The following SGCZ variants were observed in gnomAD, a reference collection of about 807,000 sequenced individuals.
SGCZ encodes sarcoglycan zeta.
Under a neutral mutation model 41.3 loss-of-function variants are expected in SGCZ, and 40 were observed. The observed-to-expected ratio is 0.97, with a 90% CI of 0.75 to 1.26. The LOEUF (loss-of-function observed/expected upper bound fraction) is 1.26, where lower values mean the gene tolerates loss of function less well. SGCZ is among the 50% of genes most tolerant of loss of function. The pLI, the probability that SGCZ is intolerant of heterozygous loss-of-function variation, is 0.00. For missense variants in SGCZ, 552 were observed against 369.8 expected (o/e 1.49, Z -4.04); for synonymous variants, 206 against 137.5 (o/e 1.50, Z -3.49).
chr8:15,069,892 T>A (rs569956317), intron 1 of SGCZ, among the ~76,000 whole-genome samples: 7 of 152,182 alleles, frequency 4.6e-5, no homozygotes, highest in African/African-American at 1.7e-4. Context: ...AGTGTGTGTA[T>A]GCATATCTGT....
At chr8:14,180,667 C>G (rs576706022) in intron 4 of SGCZ, among the ~76,000 whole-genome samples, 1 of 152,216 alleles carries the variant, frequency 6.6e-6, no homozygotes, top group South Asian at 2.1e-4. Context: ...AATAAGTCAC[C>G]TACTACCACA....
At chr8:14,279,438 T>C (rs191692264) in intron 3 of SGCZ, among the ~76,000 whole-genome samples, 2 of 152,090 alleles carry the variant, frequency 1.3e-5, no homozygotes, top group African/African-American at 4.8e-5. Context: ...TACCTTTTTT[T>C]CCCTAGATTA....
intron 1 of SGCZ, among the ~76,000 whole-genome samples, chr8:14,789,150 C>T (rs1403810574): frequency 6.6e-6 from 1 of 152,066 alleles, no homozygotes; most frequent in Non-Finnish European, 1.5e-5. Context: ...TGTTTACAAA[C>T]ACTGGGCACT....
At chr8:14,656,325 T>C (rs79748166) in intron 1 of SGCZ, among the ~76,000 whole-genome samples, 3,296 of 151,608 alleles carry the variant, frequency 0.022, 145 homozygotes, top group Admixed American at 0.09. Flanking sequence ...TCCTTCCTCC[T>C]CCTCTATCCC....
chr8:14,905,364 T>C (rs774272329), intron 1 of SGCZ, among the ~76,000 whole-genome samples: 2 of 151,810 alleles, frequency 1.3e-5, no homozygotes, highest in Non-Finnish European at 2.9e-5. Context: ...TAAATAAAAA[T>C]TAAGAAAACT....
chr8:14,228,884 T>C (rs1056241778), intron 4 of SGCZ, among the ~76,000 whole-genome samples: 2 of 152,290 alleles, frequency 1.3e-5, no homozygotes, highest in Admixed American at 6.5e-5. Flanking sequence ...TAGGCATGAA[T>C]GATTTTACCA....
At chr8:14,339,548 G>C (rs771488019) in intron 2 of SGCZ, among the ~76,000 whole-genome samples, 3 of 152,156 alleles carry the variant, frequency 2.0e-5, no homozygotes, top group Non-Finnish European at 4.4e-5. Flanking sequence ...CGACGAATCA[G>C]TTGCCATATC....
chr8:14,380,481 G>C (rs1235142296), intron 2 of SGCZ, among the ~76,000 whole-genome samples: 2 of 152,158 alleles, frequency 1.3e-5, no homozygotes, highest in African/African-American at 4.8e-5. Context: ...TAAATTCAAT[G>C]TATTTTAAAC....
At chr8:14,609,281 G>A (rs911115996) in intron 1 of SGCZ, among the ~76,000 whole-genome samples, 3 of 151,746 alleles carry the variant, frequency 2.0e-5, no homozygotes, top group Admixed American at 6.6e-5. Flanking sequence ...TCTTTGATTC[G>A]TTATTATATA....
rs974261490 is a variant in SGCZ, at chr8:14,085,448, A to G, written c.*4995T>C. ...GTTTTTATTTATAAATACGCAAACAAATGAGATACTAAGACTGAAAAAAAC... is the reference window on the plus strand; with the variant it reads ...GTTTTTATTTATAAATACGCAAACAGATGAGATACTAAGACTGAAAAAAAC... On this transcript the variant is annotated 3_prime_UTR_variant, in exon 8 of 8. Transcript: ENST00000382080. 1.3e-5 allele frequency among the ~76,000 whole-genome samples: 2 copies of G among 151,838 alleles called. No homozygotes were observed. Among genetic ancestry groups the G allele is most frequent in the African/African-American group, 4.8e-5 (2 of 41,410 alleles).
chr8:14,106,270 A>G (rs147978137), intron 6 of SGCZ, among the ~76,000 whole-genome samples: 8 of 152,338 alleles, frequency 5.3e-5, no homozygotes, highest in African/African-American at 1.9e-4. Context: ...GAAAGATACA[A>G]TAAATATTTT....
At position 14,447,237 on chromosome 8, in the gene SGCZ, A is replaced by G. The variant is rs139280772; in HGVS notation, c.234+107495T>C. On this transcript the variant is annotated intron_variant, in intron 2 of 7. Coordinates refer to ENST00000382080, the MANE Select transcript of SGCZ (RefSeq NM_139167.4). ...TTTATTGCAGTTCACACATTTATCA[A>G]GTAAAGAAGTCATCAGTCAAACCAA... Among the ~76,000 whole-genome samples, 813 of 152,318 alleles carry G rather than the reference A, an allele frequency of 5.3e-3. 6 individuals carry two copies. Among genetic ancestry groups the G allele is most frequent in the African/African-American group, 0.018 (757 of 41,570 alleles).
In SGCZ at chr8:15,189,696, G is replaced by A. The variant is rs368610746; in HGVS notation, c.39+47889C>T. 2.0e-4 allele frequency among the ~76,000 whole-genome samples: 31 copies of A among 151,926 alleles called. No individual in the cohort carries two copies. In the East Asian group the frequency reaches 2.3e-3, roughly 11 times the overall value. ...CCCAAGTAGCTGGGATTACAGGTGC[G>A]TGCTAGCATGCCCAGCTAATTTTTT... On this transcript the variant is annotated intron_variant, in intron 1 of 7. Coordinates refer to ENST00000382080, the MANE Select transcript of SGCZ (RefSeq NM_139167.4).
chr8:15,032,704 C>A (rs1263934578), intron 1 of SGCZ, among the ~76,000 whole-genome samples: 1 of 152,124 alleles, frequency 6.6e-6, no homozygotes, highest in Non-Finnish European at 1.5e-5. Context: ...GATTCAGATG[C>A]CTGGCCAACC....
At chr8:15,049,218 T>C (rs1462771601) in intron 1 of SGCZ, among the ~76,000 whole-genome samples, 1 of 152,128 alleles carries the variant, frequency 6.6e-6, no homozygotes, top group African/African-American at 2.4e-5. Flanking sequence ...CTTTGGCCTT[T>C]GGGCTAAGTA....
intron 3 of SGCZ, among the ~76,000 whole-genome samples, chr8:14,313,391 G>A (rs1210317319): frequency 1.3e-5 from 2 of 152,158 alleles, no homozygotes; most frequent in African/African-American, 2.4e-5. Flanking sequence ...TCGGCTCACT[G>A]CATCCTCCGC....
intron 5 of SGCZ, among the ~76,000 whole-genome samples, chr8:14,111,097 GTC>G (rs1347206982): frequency 1.4e-3 from 219 of 151,840 alleles, no homozygotes; most frequent in African/African-American, 5.2e-3. Context: ...AAAAAAAACT[GTC>G]TCTCTCAAGA....
At chr8:15,140,993 G>A (rs1808300276) in intron 1 of SGCZ, among the ~76,000 whole-genome samples, 1 of 152,200 alleles carries the variant, frequency 6.6e-6, no homozygotes, top group Admixed American at 6.5e-5. Context: ...AAGCAATGAG[G>A]AAACTATGAT....
chr8:15,002,377 A>T (rs1217973177), intron 1 of SGCZ, among the ~76,000 whole-genome samples: 1 of 152,194 alleles, frequency 6.6e-6, no homozygotes, highest in Non-Finnish European at 1.5e-5. Context: ...AAGAGAAGAC[A>T]TAGTAAGAAT....
Sources: allele counts gnomAD v4.1 joint callset (sites outside exome capture counted in the v4.1 genomes callset), GRCh38; gene constraint gnomAD v4.1.1; transcripts MANE v1.5; gene names NCBI Gene and HGNC (gene_info 2026-07-23, HGNC 2026-07-21).